INPP4B: variants seen among roughly 807,000 people sequenced by gnomAD.
The protein encoded by INPP4B is inositol polyphosphate-4-phosphatase type II B.
In INPP4B, 55 loss-of-function variants were observed where a neutral mutation model predicts 122.5. The ratio of observed to expected loss-of-function variants is 0.45; its 90% CI spans 0.36 to 0.56. The LOEUF (loss-of-function observed/expected upper bound fraction) is 0.56, where lower values mean the gene tolerates loss of function less well. Ranked by LOEUF, INPP4B falls within the 20% of genes least tolerant of loss-of-function variation. The pLI is 0.00. For synonymous variants in INPP4B, 403 were observed against 388.7 expected (o/e 1.04, Z -0.43); for missense variants, 1,000 against 1,097.7 (o/e 0.91, Z 1.26).
chr4:142,093,387 G>T (rs1478497781), intron 23 of INPP4B, among the ~76,000 whole-genome samples: 1 of 152,098 alleles, frequency 6.6e-6, no homozygotes, highest in African/African-American at 2.4e-5. Flanking sequence ...TAAACAAAAT[G>T]ATTCTGATTT....
chr4:142,818,174 C>G (rs1395615245), intron 1 of INPP4B, among the ~76,000 whole-genome samples: 1 of 152,130 alleles, frequency 6.6e-6, no homozygotes, highest in Admixed American at 6.6e-5. Flanking sequence ...GAGAGAAGAA[C>G]CTGAACTATG....
chr4:142,748,797 A>G (rs1769186005), intron 1 of INPP4B, among the ~76,000 whole-genome samples: 1 of 152,070 alleles, frequency 6.6e-6, no homozygotes, highest in African/African-American at 2.4e-5. Flanking sequence ...AAAAAACACA[A>G]AAGACAAATT....
chr4:142,506,070 G>A (rs545583160), intron 2 of INPP4B, among the ~76,000 whole-genome samples: 22 of 152,094 alleles, frequency 1.4e-4, no homozygotes, highest in African/African-American at 3.1e-4. Context: ...AATGAGTGTC[G>A]AAGTTTGTTT....
chr4:142,365,792 A>G (rs748737358), intron 7 of INPP4B, among the ~76,000 whole-genome samples: 1 of 152,060 alleles, frequency 6.6e-6, no homozygotes, highest in African/African-American at 2.4e-5. Flanking sequence ...CAAATTATTG[A>G]TGCCAGTCAA....
chr4:142,334,862 A>G (rs1260030262), intron 7 of INPP4B, among the ~76,000 whole-genome samples: 1 of 152,026 alleles, frequency 6.6e-6, no homozygotes, highest in Non-Finnish European at 1.5e-5. Context: ...CATATTTTAT[A>G]TATTAGCCAC....
chr4:142,044,709 G>T (rs145913403), intron 25 of INPP4B, among the ~76,000 whole-genome samples: 2 of 152,154 alleles, frequency 1.3e-5, no homozygotes, highest in African/African-American at 4.8e-5. Flanking sequence ...AGAGAAAGGG[G>T]TAAGTAGGGA....
chr4:142,266,189 T>C (rs1742711651), intron 10 of INPP4B, among the ~76,000 whole-genome samples: 3 of 152,106 alleles, frequency 2.0e-5, no homozygotes, highest in Admixed American at 1.3e-4. Context: ...AGATGAGTCT[T>C]ATATAGAACT....
At chr4:142,417,719 T>A (rs1483229157) in intron 5 of INPP4B, among the ~76,000 whole-genome samples, 1 of 151,932 alleles carries the variant, frequency 6.6e-6, no homozygotes, top group Admixed American at 6.6e-5. Context: ...AGGAATGCTG[T>A]CTGATTGAGT....
chr4:142,777,505 G>A (rs990063779), intron 1 of INPP4B, among the ~76,000 whole-genome samples: 15 of 152,188 alleles, frequency 9.9e-5, no homozygotes, highest in Admixed American at 2.0e-4. Context: ...AAAAAATGCA[G>A]CCCAGCCAAC....
intron 2 of INPP4B, among the ~76,000 whole-genome samples, chr4:142,538,145 T>A (rs746476161): frequency 6.6e-6 from 1 of 152,136 alleles, no homozygotes; most frequent in Non-Finnish European, 1.5e-5. Flanking sequence ...TGGTTTTGAT[T>A]GCTAATTATC....
intron 2 of INPP4B, among the ~76,000 whole-genome samples, chr4:142,591,965 G>A (rs114271722): frequency 0.01 from 1,584 of 152,072 alleles, 30 homozygotes; most frequent in African/African-American, 0.037. Flanking sequence ...GAACAAAAAG[G>A]TAAAAACTAT....
intron 9 of INPP4B, among the ~76,000 whole-genome samples, chr4:142,277,882 G>C (rs895535398): frequency 6.6e-6 from 1 of 151,850 alleles, no homozygotes; most frequent in Non-Finnish European, 1.5e-5. Context: ...CACAAGAATG[G>C]TACAATGGAC....
At chr4:142,592,459 TAAGA>T (rs1323659369) in intron 2 of INPP4B, among the ~76,000 whole-genome samples, 1 of 152,176 alleles carries the variant, frequency 6.6e-6, no homozygotes, top group Non-Finnish European at 1.5e-5. Context: ...TTTCTAATAA[TAAGA>T]AAGTTATTTA....
intron 3 of INPP4B, among the ~76,000 whole-genome samples, chr4:142,453,201 G>A (rs1814687143): frequency 6.6e-6 from 1 of 152,096 alleles, no homozygotes; most frequent in Non-Finnish European, 1.5e-5. Flanking sequence ...AAAGAAATGT[G>A]GCCTCAGCAC....
intron 7 of INPP4B, among the ~76,000 whole-genome samples, chr4:142,369,611 T>A (rs1789002329): frequency 6.9e-6 from 1 of 145,508 alleles, no homozygotes; most frequent in Non-Finnish European, 1.5e-5. Context: ...AATAAATAAA[T>A]AAATAAAAAT....
At chr4:142,780,848 C>A (rs1296851354) in intron 1 of INPP4B, among the ~76,000 whole-genome samples, 1 of 152,068 alleles carries the variant, frequency 6.6e-6, no homozygotes, top group Non-Finnish European at 1.5e-5. Context: ...TTGATTCTGT[C>A]TAGACTGAAT....
chr4:142,108,694 A>G (rs748085484), intron 22 of INPP4B, among the ~76,000 whole-genome samples: 11 of 152,174 alleles, frequency 7.2e-5, no homozygotes, highest in Non-Finnish European at 1.5e-4. Flanking sequence ...CCCAGACAGT[A>G]GATCATTTCT....
At chr4:142,504,721 G>T (rs1338733577) in intron 2 of INPP4B, among the ~76,000 whole-genome samples, 1 of 152,004 alleles carries the variant, frequency 6.6e-6, no homozygotes, top group African/African-American at 2.4e-5. Context: ...ATACTATATT[G>T]TTGAATCAGA....
At chr4:142,133,250 A>G (rs1238511545) in intron 18 of INPP4B, among the ~76,000 whole-genome samples, 3 of 152,184 alleles carry the variant, frequency 2.0e-5, no homozygotes, top group Non-Finnish European at 4.4e-5. Context: ...TTTAAGTACC[A>G]TCTACATAAT....
Sources: gnomAD v4.1 joint callset for allele counts (sites outside exome capture counted in the v4.1 genomes callset) on GRCh38, gnomAD v4.1.1 for gene constraint, MANE v1.5 for transcripts, NCBI Gene and HGNC (gene_info 2026-07-23, HGNC 2026-07-21) for gene names.